The following SCFD2 variants were observed in gnomAD, a reference collection of about 807,000 sequenced individuals.
SCFD2 encodes sec1 family domain-containing protein 2.
SCFD2 carries 54 observed loss-of-function variants against 58.9 expected under a neutral mutation model. That is an observed-to-expected ratio of 0.92 (90% confidence interval 0.74 to 1.15). The LOEUF (loss-of-function observed/expected upper bound fraction) is 1.15, where lower values mean the gene tolerates loss of function less well. SCFD2 is among the 50% of genes most tolerant of loss of function. SCFD2 has a pLI of 0.00. For synonymous variants in SCFD2, 321 were observed against 335.9 expected (o/e 0.96, Z 0.49); for missense variants, 805 against 836.6 (o/e 0.96, Z 0.47).
intron 4 of SCFD2, among the ~76,000 whole-genome samples, chr4:53,229,609 C>G (rs1297579330): frequency 1.3e-5 from 2 of 152,136 alleles, no homozygotes; most frequent in Non-Finnish European, 2.9e-5. Context: ...ACACCTTATA[C>G]AAAAATTAAT....
At chr4:53,046,681 T>C (rs546173402) in intron 5 of SCFD2, among the ~76,000 whole-genome samples, 1 of 152,238 alleles carries the variant, frequency 6.6e-6, no homozygotes, top group East Asian at 1.9e-4. Flanking sequence ...GTTGTTTTTT[T>C]CTTTGAGACA....
At chr4:52,988,546 G>A (rs1314433080) in intron 5 of SCFD2, among the ~76,000 whole-genome samples, 2 of 152,162 alleles carry the variant, frequency 1.3e-5, no homozygotes, top group Non-Finnish European at 2.9e-5. Context: ...GTTTTCGAAT[G>A]TCAAAAAATC....
chr4:53,138,337 C>CT (rs1436928529), intron 5 of SCFD2, among the ~76,000 whole-genome samples: 1 of 152,156 alleles, frequency 6.6e-6, no homozygotes, highest in African/African-American at 2.4e-5. Context: ...AAACACTATG[C>CT]TTTTTTTGAT....
intron 4 of SCFD2, among the ~76,000 whole-genome samples, chr4:53,270,146 T>C (rs145208869): frequency 8.8e-4 from 134 of 152,320 alleles, no homozygotes; most frequent in African/African-American, 3.1e-3. Context: ...TACATGTGTA[T>C]GAGTATATGT....
At chr4:53,178,628 A>T (rs1294715938) in intron 4 of SCFD2, among the ~76,000 whole-genome samples, 4 of 152,248 alleles carry the variant, frequency 2.6e-5, no homozygotes. Context: ...CCTCACCAGC[A>T]ATGGAACAAA....
intron 5 of SCFD2, among the ~76,000 whole-genome samples, chr4:53,136,267 C>T (rs1460851054): frequency 6.6e-6 from 1 of 152,122 alleles, no homozygotes. Context: ...TAGTCCTATC[C>T]CCTCATTGAA....
At chr4:52,893,041 T>C (rs1718914761) in intron 7 of SCFD2, among the ~76,000 whole-genome samples, 2 of 152,214 alleles carry the variant, frequency 1.3e-5, no homozygotes, top group East Asian at 1.9e-4. Flanking sequence ...ATATAAACAA[T>C]GGTTTCAAAT....
At chr4:53,040,427 C>T (rs1722869576) in intron 5 of SCFD2, among the ~76,000 whole-genome samples, 1 of 151,914 alleles carries the variant, frequency 6.6e-6, no homozygotes, top group Non-Finnish European at 1.5e-5. Context: ...TTTCTCCAAC[C>T]ATACCTCAAT....
intron 5 of SCFD2, among the ~76,000 whole-genome samples, chr4:53,076,813 C>T (rs772295334): frequency 3.9e-5 from 6 of 152,202 alleles, no homozygotes; most frequent in Non-Finnish European, 7.3e-5. Context: ...ACACGGGCTG[C>T]TTCCCCTTCC....
At chr4:53,087,388 G>A (rs1283004950) in intron 5 of SCFD2, among the ~76,000 whole-genome samples, 1 of 152,178 alleles carries the variant, frequency 6.6e-6, no homozygotes, top group Non-Finnish European at 1.5e-5. Context: ...AGGCTGGAGT[G>A]TAGTGGCACA....
intron 4 of SCFD2, among the ~76,000 whole-genome samples, chr4:53,179,927 G>A (rs189940108): frequency 1.3e-5 from 2 of 152,224 alleles, no homozygotes; most frequent in East Asian, 3.9e-4. Context: ...ATGGTAAAGG[G>A]ATCAATTCAA....
intron 5 of SCFD2, among the ~76,000 whole-genome samples, chr4:52,923,476 T>TCAAA (rs1719790065): frequency 1.5e-5 from 1 of 64,760 alleles, no homozygotes; most frequent in Non-Finnish European, 3.0e-5. Flanking sequence ...AGACTGCATC[T>TCAAA]CAAATAAATA....
chr4:52,970,583 C>T (rs1466052706), intron 5 of SCFD2, among the ~76,000 whole-genome samples: 1 of 152,226 alleles, frequency 6.6e-6, no homozygotes, highest in African/African-American at 2.4e-5. Context: ...TAGACTCCAC[C>T]CCTGGGGGCA....
intron 2 of SCFD2, among the ~76,000 whole-genome samples, chr4:53,340,768 G>A (rs1733843163): frequency 6.6e-6 from 1 of 152,210 alleles, no homozygotes; most frequent in Admixed American, 6.5e-5. Flanking sequence ...GAAGCTTCCA[G>A]AGGAAAGATC....
At position 52,873,795 on chromosome 4, in the gene SCFD2, A is replaced by C; in HGVS notation, c.*174T>G. 2 of 430,640 alleles carry C rather than the reference A, an allele frequency of 4.6e-6. No homozygotes were observed. Among genetic ancestry groups the C allele is most frequent in the Non-Finnish European group, 8.2e-6 (2 of 244,030 alleles). The allele number at this position is 430,640 out of a possible 1,614,324, so 26.7% of individuals were successfully genotyped here. ...CTTTTTTTTTTTTTTTTTAAGAATC[A>C]CAGCAATCCAAGCAAAGTACCTCAC... On this transcript the variant is annotated 3_prime_UTR_variant, in exon 9 of 9. Coordinates refer to ENST00000401642, the MANE Select transcript of SCFD2 (RefSeq NM_152540.4).
At chr4:53,095,579 T>C (rs929361892) in intron 5 of SCFD2, among the ~76,000 whole-genome samples, 24 of 152,226 alleles carry the variant, frequency 1.6e-4, no homozygotes, top group Admixed American at 5.2e-4. Flanking sequence ...GACACTGTGA[T>C]CCTTTAAAAA....
chr4:53,058,869 A>C (rs1723424403), intron 5 of SCFD2, among the ~76,000 whole-genome samples: 1 of 152,180 alleles, frequency 6.6e-6, no homozygotes, highest in African/African-American at 2.4e-5. Flanking sequence ...AAAATACGAC[A>C]GGAGATATAC....
intron 5 of SCFD2, among the ~76,000 whole-genome samples, chr4:53,095,053 A>G (rs79229894): frequency 0.019 from 2,962 of 152,124 alleles, 67 homozygotes; most frequent in East Asian, 0.11. Context: ...CTGCTTCTCA[A>G]TTTCCATTTC....
intron 5 of SCFD2, among the ~76,000 whole-genome samples, chr4:53,133,636 G>T (rs1725858224): frequency 6.6e-6 from 1 of 152,164 alleles, no homozygotes; most frequent in Non-Finnish European, 1.5e-5. Context: ...TTTACTACTG[G>T]TTGTAGAATG....
Sources: allele counts gnomAD v4.1 joint callset (sites outside exome capture counted in the v4.1 genomes callset), GRCh38; gene constraint gnomAD v4.1.1; transcripts MANE v1.5; gene names NCBI Gene and HGNC (gene_info 2026-07-23, HGNC 2026-07-21).